NFE2L2: variants seen among roughly 807,000 people sequenced by gnomAD.
NFE2L2 encodes NFE2 like bZIP transcription factor 2, also known as nuclear factor erythroid 2-related factor 2.
A neutral mutation model predicts 49.6 loss-of-function variants in NFE2L2; 20 were observed. The ratio of observed to expected loss-of-function variants is 0.40; its 90% confidence interval spans 0.28 to 0.59. The LOEUF is 0.59. NFE2L2 is among the 20% of genes least tolerant of loss of function. The probability of loss-of-function intolerance (pLI) is 0.40; values close to 1 mark genes in which losing one functional copy is unlikely to be tolerated. For missense variants in NFE2L2, 578 were observed against 714.2 expected, an observed-to-expected ratio of 0.81 and a Z score of 2.17; for synonymous variants, 244 against 256.5, an observed-to-expected ratio of 0.95 and a Z score of 0.47.
chr2:177,241,266 T>C (rs1190970680), intron 1 of NFE2L2, among the ~76,000 whole-genome samples: 3 of 152,252 alleles, frequency 2.0e-5, no homozygotes, highest in African/African-American at 7.2e-5. Context: ...TTTAATGTTA[T>C]TCCCCTGAGA....
chr2:177,235,727 T>C (rs1372916377), intron 1 of NFE2L2, among the ~76,000 whole-genome samples: 1 of 152,052 alleles, frequency 6.6e-6, no homozygotes, highest in East Asian at 1.9e-4. Context: ...TTAGGGAGAC[T>C]GAAGTGAGAG....
intron 4 of NFE2L2, 159 bp from the exon 5 acceptor site, chr2:177,232,167 G>T: frequency 1.1e-6 from 1 of 915,266 alleles, no homozygotes; most frequent in Non-Finnish European, 1.6e-6. Flanking sequence ...ACATATTTAC[G>T]CCTAAGCGTT....
Position 177,231,854 on chromosome 2 carries a change from A to G in NFE2L2, c.749T>C (p.Phe250Ser). 6.2e-7 allele frequency: 1 copy of G among 1,614,232 alleles called. No homozygotes were observed. Among genetic ancestry groups the G allele is most frequent in the Non-Finnish European group, 8.5e-7 (1 of 1,180,030 alleles). Residue 250 changes from phenylalanine (F) to serine (S), a missense_variant, in exon 5 of 5, where the codon TTT becomes TCT. Coordinates refer to ENST00000397062, the MANE Select transcript of NFE2L2 (RefSeq NM_006164.5). ...GNCSPHFLNA[F>S]EDSFSSILST... ...GAGGATGCTGCTGAAGGAATCCTCA[A>G]AAGCATTAAGAAAATGTGGACTACA... is the stretch of plus-strand genomic sequence containing the variant.
chr2:177,251,954 C>G (rs569660558), intron 1 of NFE2L2, among the ~76,000 whole-genome samples: 1 of 131,088 alleles, frequency 7.6e-6, no homozygotes. Flanking sequence ...TGCAGTGAGC[C>G]GAGATCACAC....
At chr2:177,234,547 A>G (rs1253364160) in intron 1 of NFE2L2, among the ~76,000 whole-genome samples, 4 of 152,252 alleles carry the variant, frequency 2.6e-5, no homozygotes, top group African/African-American at 9.6e-5. Context: ...AGGTCACTAA[A>G]GGGCAAAGTC....
intron 1 of NFE2L2, among the ~76,000 whole-genome samples, chr2:177,243,957 TTTA>T (rs897835280): frequency 6.6e-6 from 1 of 151,964 alleles, no homozygotes; most frequent in African/African-American, 2.4e-5. Context: ...TTAGATACAT[TTTA>T]TTAACAATAT....
intron 1 of NFE2L2, among the ~76,000 whole-genome samples, chr2:177,236,833 G>T (rs78377016): frequency 0.019 from 2,917 of 151,560 alleles, 75 homozygotes; most frequent in African/African-American, 0.057. Context: ...ATTTTTTCGG[G>T]TTTTTTTTCC....
chr2:177,250,504 T>C (rs1177960891), intron 1 of NFE2L2, among the ~76,000 whole-genome samples: 2 of 152,240 alleles, frequency 1.3e-5, no homozygotes, highest in Non-Finnish European at 2.9e-5. Flanking sequence ...TCTTGTACTT[T>C]CTATGTGCTC....
intron 1 of NFE2L2, among the ~76,000 whole-genome samples, chr2:177,239,949 T>TA (rs57941264): frequency 0.014 from 1,881 of 135,398 alleles, 83 homozygotes; most frequent in East Asian, 0.11. Context: ...AGCTTTATGT[T>TA]AAAAAAAAAA....
chr2:177,235,990 C>T (rs2105462322), intron 1 of NFE2L2, among the ~76,000 whole-genome samples: 1 of 152,268 alleles, frequency 6.6e-6, no homozygotes, highest in East Asian at 1.9e-4. Context: ...GTTTCCATTC[C>T]ACAAATCACC....
intron 1 of NFE2L2, among the ~76,000 whole-genome samples, chr2:177,248,064 AACTG>A (rs1472555790): frequency 2.0e-5 from 3 of 152,168 alleles, no homozygotes; most frequent in Non-Finnish European, 2.9e-5. Context: ...TAGAACAACC[AACTG>A]ACTAAGGAGA....
At chr2:177,254,690 A>G (rs1363564869) in intron 1 of NFE2L2, among the ~76,000 whole-genome samples, 1 of 152,208 alleles carries the variant, frequency 6.6e-6, no homozygotes, top group Middle Eastern at 3.2e-3. Flanking sequence ...ATCTTTATAA[A>G]GGAGTCCCTC....
chr2:177,241,817 G>C (rs1689947813), intron 1 of NFE2L2, among the ~76,000 whole-genome samples: 1 of 152,182 alleles, frequency 6.6e-6, no homozygotes, highest in Admixed American at 6.5e-5. Context: ...ATCATGTACT[G>C]CCCTCCAGCC....
chr2:177,243,639 G>A (rs1207569790), intron 1 of NFE2L2, among the ~76,000 whole-genome samples: 1 of 152,002 alleles, frequency 6.6e-6, no homozygotes, highest in Admixed American at 6.6e-5. Context: ...TCCCACCTTG[G>A]CCTCCCAAGT....
chr2:177,257,394 C>T (rs1006209460), intron 1 of NFE2L2, among the ~76,000 whole-genome samples: 1 of 152,138 alleles, frequency 6.6e-6, no homozygotes, highest in Non-Finnish European at 1.5e-5. Flanking sequence ...CCTTTCATAA[C>T]AAAGTTACCC....
chr2:177,259,147 C>CA (rs1165427783), intron 1 of NFE2L2, among the ~76,000 whole-genome samples: 1 of 152,110 alleles, frequency 6.6e-6, no homozygotes, highest in Non-Finnish European at 1.5e-5. Flanking sequence ...ACTAAAAATA[C>CA]AAAAATTAAC....
At chr2:177,257,721 C>G (rs139003635) in intron 1 of NFE2L2, among the ~76,000 whole-genome samples, 2 of 152,290 alleles carry the variant, frequency 1.3e-5, no homozygotes, top group African/African-American at 2.4e-5. Context: ...GAGCAGTAGG[C>G]GAGCATTCCC....
intron 1 of NFE2L2, among the ~76,000 whole-genome samples, chr2:177,246,181 C>CA (rs1047598988): frequency 3.9e-4 from 59 of 152,316 alleles, no homozygotes; most frequent in African/African-American, 1.3e-3. Flanking sequence ...TACGACTTAA[C>CA]AGGCAAATCA....
chr2:177,263,553 A>G, intron 1 of NFE2L2: 1 of 985,492 alleles, frequency 1.0e-6, no homozygotes, highest in Non-Finnish European at 1.2e-6. Context: ...TGGCGCGGCG[A>G]GGTTTGCACG....
Sources: gnomAD v4.1 joint callset for allele counts (sites outside exome capture counted in the v4.1 genomes callset) on GRCh38, gnomAD v4.1.1 for gene constraint, MANE v1.5 for transcripts, NCBI Gene and HGNC (gene_info 2026-07-23, HGNC 2026-07-21) for gene names.